Variants in NOS1 observed in about 807,000 individuals in gnomAD.
NOS1 encodes the protein NOS type I.
A neutral mutation model predicts 164.5 loss-of-function variants in NOS1; 51 were observed. The observed-to-expected ratio is 0.31, with a 90% CI of 0.25 to 0.39. The LOEUF (loss-of-function observed/expected upper bound fraction) is 0.39, where lower values mean the gene tolerates loss of function less well. NOS1 is among the 10% of genes least tolerant of loss of function. The pLI, the probability that NOS1 is intolerant of heterozygous loss-of-function variation, is 1.00. For missense variants in NOS1, 1,362 were observed against 1,885.6 expected, an observed-to-expected ratio of 0.72 and a Z score of 5.14; for synonymous variants, 719 against 745.8, an observed-to-expected ratio of 0.96 and a Z score of 0.59.
At chr12:117,222,422 A>G (rs1956721935) in intron 26 of NOS1, among the ~76,000 whole-genome samples, 2 of 151,784 alleles carry the variant, frequency 1.3e-5, no homozygotes, top group South Asian at 4.2e-4. Context: ...TGCCTGGCTA[A>G]TTTTTGCATT....
Position 117,352,390 on chromosome 12 carries a change from C to T in NOS1, c.-421+9122G>A, listed in dbSNP as rs75778675. 2.9e-4 allele frequency among the ~76,000 whole-genome samples: 44 copies of T among 152,186 alleles called. No homozygotes were observed. In the East Asian group the frequency reaches 6.8e-3, roughly 23 times the overall value. ...CACGCCTGGGCTATACCGCCAGCCA[C>T]GGAAAAACCAACTTTGGAAGCTATT... On this transcript the variant is annotated intron_variant, in intron 1 of 28. Coordinates refer to ENST00000317775, the MANE Select transcript of NOS1 (RefSeq NM_000620.5).
chr12:117,333,147 C>A (rs560659235), intron 1 of NOS1, among the ~76,000 whole-genome samples: 1 of 152,110 alleles, frequency 6.6e-6, no homozygotes, highest in Non-Finnish European at 1.5e-5. Flanking sequence ...GGGAAGTAGC[C>A]GCCCGTCCCT....
At chr12:117,239,706 T>C (rs1870010986) in intron 20 of NOS1, among the ~76,000 whole-genome samples, 1 of 149,324 alleles carries the variant, frequency 6.7e-6, no homozygotes, top group African/African-American at 2.5e-5. Flanking sequence ...ATCCTTTTTC[T>C]TCTTCTTTTT....
At chr12:117,338,780 G>A (rs1566082872) in intron 1 of NOS1, among the ~76,000 whole-genome samples, 2 of 152,182 alleles carry the variant, frequency 1.3e-5, no homozygotes, top group East Asian at 1.9e-4. Context: ...TGGAGGAAAC[G>A]GATATCAATG....
At position 117,272,604 on chromosome 12, in the gene NOS1, A is replaced by T. The variant is rs565648813; in HGVS notation, c.1665-45T>A. The T allele has an allele frequency of 3.2e-6, 5 of 1,574,472 alleles. No homozygotes were observed. The African/African-American group carries it at 6.8e-5, about 21-fold the overall frequency. ...CCAGCTCACCCGGAGCAGGTGTCTC[A>T]TGGGCGGGACAGCTTGAATCTAGAG... is the stretch of plus-strand genomic sequence containing the variant. On this transcript the variant is annotated intron_variant, in intron 9 of 28. Transcript: ENST00000317775. This position sits in a 1 kb window ranked among gnomAD's most constrained non-coding sequence, Gnocchi z 4.3.
chr12:117,330,939 G>A lies in NOS1; in HGVS notation c.131C>T (p.Ser44Phe), dbSNP rs761071680. The A allele has an allele frequency of 6.2e-7, 1 of 1,614,216 alleles. No individual in the cohort carries two copies. Among genetic ancestry groups the A allele is most frequent in the Admixed American group, 1.7e-5 (1 of 60,028 alleles). Residue 44 changes from serine (S) to phenylalanine (F), a missense_variant, in exon 2 of 29, where the codon TCT becomes TTT. Coordinates refer to ENST00000317775, the MANE Select transcript of NOS1 (RefSeq NM_000620.5). The surrounding 1 kb of genome is among the most constrained non-coding windows in gnomAD (Gnocchi z 4.6). ...TGCGGCGCCCCCACGAATCAGGTCA[G>A]AGATGATCACGGGCGGCTTACTGAC... ...ERVSKPPVII[S>F]DLIRGGAAEQ... is the part of the protein sequence containing the mutation.
At chr12:117,283,303 C>T (rs1267569149) in intron 7 of NOS1, among the ~76,000 whole-genome samples, 2 of 152,152 alleles carry the variant, frequency 1.3e-5, no homozygotes, top group East Asian at 1.9e-4. Flanking sequence ...CTCAAGTGAT[C>T]CATTCACCTT....
In NOS1 at chr12:117,295,219, C is replaced by T. The variant is rs1311270082; in HGVS notation, c.853-4793G>A. On this transcript the variant is annotated intron_variant, in intron 3 of 28. Coordinates refer to ENST00000317775, the MANE Select transcript of NOS1 (RefSeq NM_000620.5). ...CAGCTGCTTCTTCTAAAGCAGAGAT[C>T]TGCAGACGGCGTGGCCCACTGTCTG... Among the ~76,000 whole-genome samples, 3 of 152,226 alleles carry T rather than the reference C, an allele frequency of 2.0e-5. 1 individual carries two copies. The highest frequency in any genetic ancestry group is 4.4e-5 in the Non-Finnish European group (3 of 68,034).
At chr12:117,255,442 T>C (rs952585381) in intron 16 of NOS1, among the ~76,000 whole-genome samples, 1 of 152,184 alleles carries the variant, frequency 6.6e-6, no homozygotes, top group Non-Finnish European at 1.5e-5. Context: ...AATTGTGCAT[T>C]CTAGCAGCAG....
At position 117,213,992 on chromosome 12, in the gene NOS1, A is replaced by G; in HGVS notation, c.*1317T>C. 1.0e-6 allele frequency: 1 copy of G among 985,374 alleles called. No individual in the cohort carries two copies. Among genetic ancestry groups the G allele is most frequent in the African/African-American group, 1.7e-5 (1 of 57,340 alleles). 61.0% of individuals were successfully genotyped at this position (985,374 alleles called of 1,614,324 possible). A position where few individuals can be genotyped will look rare whatever the true frequency, so the allele number is the denominator to read the frequency against. Reference sequence around the variant, plus strand: ...AGTTGAGGGTAACTTATTTGTCAAAATTAATTTAACAGGTTTAAAACTTTG... The same window carrying G: ...AGTTGAGGGTAACTTATTTGTCAAAGTTAATTTAACAGGTTTAAAACTTTG... On this transcript the variant is annotated 3_prime_UTR_variant, in exon 29 of 29. Coordinates refer to ENST00000317775, the MANE Select transcript of NOS1 (RefSeq NM_000620.5).
rs76719670 is a variant in NOS1, at chr12:117,286,098, A to T, written c.1290+6T>A. On this transcript the variant is annotated splice_donor_region_variant and intron_variant, in intron 6 of 28. Coordinates refer to ENST00000317775, the MANE Select transcript of NOS1 (RefSeq NM_000620.5). ...GCTCTTCAAGGTATCTGACTTCACC[A>T]CCTACCTGCAGCTTGGACCACTGGA... The T allele has an allele frequency of 1.9e-6, 3 of 1,613,946 alleles. No homozygotes were observed. Among genetic ancestry groups the T allele is most frequent in the Non-Finnish European group, 2.5e-6 (3 of 1,179,968 alleles).
intron 1 of NOS1, among the ~76,000 whole-genome samples, chr12:117,338,141 T>C (rs1167474720): frequency 1.3e-5 from 2 of 151,944 alleles, no homozygotes; most frequent in Non-Finnish European, 2.9e-5. Context: ...GACTTGAACC[T>C]GGGAGGCGGA....
At chr12:117,229,317 C>T (rs1441613144) in intron 22 of NOS1, among the ~76,000 whole-genome samples, 1 of 152,186 alleles carries the variant, frequency 6.6e-6, no homozygotes, top group Non-Finnish European at 1.5e-5. Flanking sequence ...ACTCAAGGAC[C>T]TTGCTGGGCC....
chr12:117,214,051 A>G lies in NOS1; in HGVS notation c.*1258T>C. 1 of 985,454 alleles carries G rather than the reference A, an allele frequency of 1.0e-6. No homozygotes were observed. The highest frequency in any genetic ancestry group is 1.2e-6 in the Non-Finnish European group (1 of 829,938). The allele number at this position is 985,454 out of a possible 1,614,324, so 61.0% of individuals were successfully genotyped here. A position where few individuals can be genotyped will look rare whatever the true frequency, so the allele number is the denominator to read the frequency against. ...CTGCAGAGGGCAACAAGCCTGAGGG[A>G]CAAGTTCTTCCCACCCCAAGTTGTG... is the stretch of plus-strand genomic sequence containing the variant. On this transcript the variant is annotated 3_prime_UTR_variant, in exon 29 of 29. Coordinates refer to ENST00000317775, the MANE Select transcript of NOS1 (RefSeq NM_000620.5).
chr12:117,324,049 A>G (rs996270324), intron 2 of NOS1, among the ~76,000 whole-genome samples: 1 of 151,894 alleles, frequency 6.6e-6, no homozygotes, highest in Non-Finnish European at 1.5e-5. Flanking sequence ...ATGTGGGAGT[A>G]CAGGCATGAG....
Position 117,214,554 on chromosome 12 carries a change from T to C in NOS1, c.*755A>G, listed in dbSNP as rs1331191776. On this transcript the variant is annotated 3_prime_UTR_variant, in exon 29 of 29. Transcript: ENST00000317775. ...GGCTCTGCTCACTGGTATCAAAATCTAAATGCAGCAAATTCTGGGAATGCC... is the reference window on the plus strand; with the variant it reads ...GGCTCTGCTCACTGGTATCAAAATCCAAATGCAGCAAATTCTGGGAATGCC... 2 of 985,342 alleles carry C rather than the reference T, an allele frequency of 2.0e-6. No individual in the cohort carries two copies. The highest frequency in any genetic ancestry group is 2.4e-6 in the Non-Finnish European group (2 of 829,982). The allele number at this position is 985,342 out of a possible 1,614,324, so 61.0% of individuals were successfully genotyped here.
intron 3 of NOS1, among the ~76,000 whole-genome samples, chr12:117,299,100 C>T (rs522910): frequency 0.53 from 80,012 of 151,930 alleles, 21,388 homozygotes; most frequent in South Asian, 0.62. Context: ...TGGGCGGCAT[C>T]GCACCCACCT....
At chr12:117,270,023 G>A (rs1218190989) in intron 10 of NOS1, among the ~76,000 whole-genome samples, 7 of 152,168 alleles carry the variant, frequency 4.6e-5, no homozygotes, top group Non-Finnish European at 1.5e-5. Flanking sequence ...GATGCCTAAC[G>A]TCTAAGACCT....
At chr12:117,232,210 G>A (rs929378137) in intron 21 of NOS1, 79 bp from the exon 22 acceptor site, 12 of 1,364,700 alleles carry the variant, frequency 8.8e-6, no homozygotes, top group Non-Finnish European at 1.2e-5. Flanking sequence ...TGCTCCTGGA[G>A]CAGAGGATGG....
Sources: allele counts gnomAD v4.1 joint callset (sites outside exome capture counted in the v4.1 genomes callset), GRCh38; gene constraint gnomAD v4.1.1; non-coding constraint Gnocchi (gnomAD v3.1); transcripts MANE v1.5; gene names NCBI Gene and HGNC (gene_info 2026-07-23, HGNC 2026-07-21).